Variants in TRAPPC9 observed in about 807,000 individuals in gnomAD.
TRAPPC9 encodes the protein IKK2 binding protein.
In TRAPPC9, 83 loss-of-function variants were observed where a neutral mutation model predicts 124.0. That is an observed-to-expected ratio of 0.67 (90% CI 0.56 to 0.80). The LOEUF is 0.80. Ranked by LOEUF, TRAPPC9 falls within the 30% of genes least tolerant of loss-of-function variation. TRAPPC9 has a pLI of 0.00. For missense variants in TRAPPC9, 1,302 were observed against 1,508.3 expected, an observed-to-expected ratio of 0.86 and a Z score of 2.27; for synonymous variants, 638 against 617.5, an observed-to-expected ratio of 1.03 and a Z score of -0.49.
intron 17 of TRAPPC9, among the ~76,000 whole-genome samples, chr8:140,046,894 T>C (rs1211728442): frequency 6.6e-6 from 1 of 152,206 alleles, no homozygotes; most frequent in African/African-American, 2.4e-5. Flanking sequence ...AACTCAACTT[T>C]TCTTCATCTG....
chr8:140,076,269 C>T lies in TRAPPC9; in HGVS notation c.2557-52190G>A, dbSNP rs190443792. ...TGACATCACTGCCAAAATGGCACCCCGGAGAGCCTCGAAAAGAGCTGCCCT... is the reference window on the plus strand; with the variant it reads ...TGACATCACTGCCAAAATGGCACCCTGGAGAGCCTCGAAAAGAGCTGCCCT... On this transcript the variant is annotated intron_variant, in intron 17 of 22. Coordinates refer to ENST00000438773, the MANE Select transcript of TRAPPC9 (RefSeq NM_001160372.4). 8.9e-4 allele frequency among the ~76,000 whole-genome samples: 136 copies of T among 152,282 alleles called. 1 individual carries two copies. The East Asian group carries it at 0.024, about 27-fold the overall frequency.
Position 140,252,589 on chromosome 8 carries a change from C to T in TRAPPC9, c.2431+188G>A. 1.7e-6 allele frequency: 1 copy of T among 602,264 alleles called. No homozygotes were observed. The highest frequency in any genetic ancestry group is 1.8e-5 in the African/African-American group (1 of 54,064). 37.3% of individuals were successfully genotyped at this position (602,264 alleles called of 1,614,324 possible). ...AATTAAATCATTTAGATAAAAAGTA[C>T]TTTTATTACTTTCAGACACATACAG... On this transcript the variant is annotated intron_variant, in intron 16 of 22. Transcript: ENST00000438773. This position sits in a 1 kb window ranked among gnomAD's most constrained non-coding sequence, Gnocchi z 4.2.
intron 17 of TRAPPC9, among the ~76,000 whole-genome samples, chr8:140,173,462 G>A (rs1177981984): frequency 1.3e-5 from 2 of 151,008 alleles, no homozygotes; most frequent in South Asian, 2.1e-4. Context: ...GCTGAGGCAG[G>A]AGAATGGCGT....
At chr8:140,418,706 C>T (rs971337616) in intron 5 of TRAPPC9, among the ~76,000 whole-genome samples, 5 of 150,300 alleles carry the variant, frequency 3.3e-5, no homozygotes, top group African/African-American at 4.9e-5. Context: ...GGCGACAAAG[C>T]GAGACTCCAT....
chr8:140,124,704 G>GGGGGAGGATCCTCATA (rs2061051394), intron 17 of TRAPPC9, among the ~76,000 whole-genome samples: 1 of 143,222 alleles, frequency 7.0e-6, no homozygotes, highest in South Asian at 2.1e-4. Context: ...AGACCCTCGC[G>GGGGGAGGATCCTCATA]GGGGAGGACC....
intron 21 of TRAPPC9, among the ~76,000 whole-genome samples, chr8:139,783,240 C>T (rs931946513): frequency 5.3e-5 from 8 of 151,856 alleles, no homozygotes; most frequent in Admixed American, 4.6e-4. Context: ...ATCAATGAAA[C>T]CAAAAGCTGG....
chr8:140,396,931 C>A (rs1389435402), intron 7 of TRAPPC9, among the ~76,000 whole-genome samples: 1 of 151,648 alleles, frequency 6.6e-6, no homozygotes, highest in African/African-American at 2.4e-5. Context: ...GACCCACCTG[C>A]CTCAGCTCTC....
intron 21 of TRAPPC9, among the ~76,000 whole-genome samples, chr8:139,824,394 A>T (rs1410801425): frequency 6.6e-6 from 1 of 152,182 alleles, no homozygotes; most frequent in East Asian, 1.9e-4. Context: ...CCACGTGGCT[A>T]AGGCCTTGGA....
chr8:140,260,437 G>C (rs1462590056), intron 15 of TRAPPC9, among the ~76,000 whole-genome samples: 1 of 152,202 alleles, frequency 6.6e-6, no homozygotes, highest in African/African-American at 2.4e-5. Context: ...AACTCTGCCA[G>C]CTGAATAAAG....
chr8:140,392,339 G>A (rs896014473), intron 7 of TRAPPC9, among the ~76,000 whole-genome samples: 4 of 152,208 alleles, frequency 2.6e-5, no homozygotes, highest in African/African-American at 7.2e-5. Context: ...CAGCTTATCC[G>A]ATAATGGAGA....
At chr8:139,743,906 G>A (rs1818718017) in intron 21 of TRAPPC9, among the ~76,000 whole-genome samples, 1 of 152,186 alleles carries the variant, frequency 6.6e-6, no homozygotes, top group African/African-American at 2.4e-5. Flanking sequence ...CCAAGTAACT[G>A]ACCTTTTCAC....
chr8:140,395,664 A>C (rs1050724108), intron 7 of TRAPPC9, among the ~76,000 whole-genome samples: 1 of 152,220 alleles, frequency 6.6e-6, no homozygotes, highest in Non-Finnish European at 1.5e-5. Flanking sequence ...ATTTCAACAT[A>C]TTAAATCTGG....
chr8:139,826,363 G>T (rs1367195951), intron 21 of TRAPPC9, among the ~76,000 whole-genome samples: 1 of 152,244 alleles, frequency 6.6e-6, no homozygotes, highest in Non-Finnish European at 1.5e-5. Context: ...GACAAGACAA[G>T]GCAGGGCTTC....
intron 21 of TRAPPC9, among the ~76,000 whole-genome samples, chr8:139,826,441 T>A (rs1714230781): frequency 6.6e-6 from 1 of 152,096 alleles, no homozygotes; most frequent in Non-Finnish European, 1.5e-5. Flanking sequence ...CCTGGCCAGC[T>A]GGGGCTGTGG....
intron 21 of TRAPPC9, among the ~76,000 whole-genome samples, chr8:139,805,427 C>T (rs1031731352): frequency 6.6e-6 from 1 of 152,228 alleles, no homozygotes; most frequent in African/African-American, 2.4e-5. Flanking sequence ...ACCTGGCAGC[C>T]CTGCCATTTG....
chr8:140,112,506 A>C (rs1474344433), intron 17 of TRAPPC9, among the ~76,000 whole-genome samples: 1 of 152,210 alleles, frequency 6.6e-6, no homozygotes, highest in African/African-American at 2.4e-5. Context: ...AATTCCAGAT[A>C]ATGTCAGAGC....
At chr8:139,790,513 G>A (rs938948864) in intron 21 of TRAPPC9, among the ~76,000 whole-genome samples, 2 of 152,198 alleles carry the variant, frequency 1.3e-5, no homozygotes, top group African/African-American at 4.8e-5. Context: ...GGCACTGACT[G>A]CAATCCAAGG....
rs982142716 is a variant in TRAPPC9, at chr8:140,385,825, G to C, written c.1134+11795C>G. Among the ~76,000 whole-genome samples the C allele has an allele frequency of 5.8e-4, 88 of 152,276 alleles. 1 individual carries two copies. The highest frequency in any genetic ancestry group is 2.0e-3 in the African/African-American group (83 of 41,528). On this transcript the variant is annotated intron_variant, in intron 7 of 22. Coordinates refer to ENST00000438773, the MANE Select transcript of TRAPPC9 (RefSeq NM_001160372.4). ...CTCCCTAACTCATTTTATGAGGCCA[G>C]CATCATCCTGATACCATAGCCTGGC...
At chr8:140,072,759 A>G (rs1216852025) in intron 17 of TRAPPC9, among the ~76,000 whole-genome samples, 2 of 149,758 alleles carry the variant, frequency 1.3e-5, no homozygotes, top group East Asian at 2.0e-4. Flanking sequence ...GTACATAAAT[A>G]TATGTGCATA....
Sources: gnomAD v4.1 joint callset for allele counts (sites outside exome capture counted in the v4.1 genomes callset) on GRCh38, gnomAD v4.1.1 for gene constraint, Gnocchi (gnomAD v3.1) non-coding constraint, MANE v1.5 for transcripts, NCBI Gene and HGNC (gene_info 2026-07-23, HGNC 2026-07-21) for gene names.